The following MYO15B variants were observed in gnomAD, a reference collection of about 807,000 sequenced individuals.
MYO15B encodes the protein myosin XVB pseudogene.
Under a neutral mutation model 119.3 loss-of-function variants are expected in MYO15B, and 207 were observed. That is an observed-to-expected ratio of 1.73 (90% CI 1.55 to 1.95). The LOEUF is 1.95. Ranked by LOEUF, MYO15B falls within the 30% of genes most tolerant of loss-of-function variation. The probability of loss-of-function intolerance (pLI) is 0.00; values close to 1 mark genes in which losing one functional copy is unlikely to be tolerated. For synonymous variants in MYO15B, 966 were observed against 498.9 expected, an observed-to-expected ratio of 1.94 and a Z score of -12.48; for missense variants, 2,264 against 1,203.1, an observed-to-expected ratio of 1.88 and a Z score of -13.04.
chr17:75,624,618 C>A (rs1303092065), exon 58 of MYO15B: 2 of 702,966 alleles, frequency 2.8e-6, no homozygotes, highest in South Asian at 1.5e-5. Flanking sequence ...GGAATTCGCC[C>A]TCTTCCTCAT....
intron 21 of MYO15B, among the ~76,000 whole-genome samples, chr17:75,608,597 C>T (rs1485821277): frequency 2.0e-5 from 3 of 151,936 alleles, no homozygotes; most frequent in Admixed American, 6.6e-5. Flanking sequence ...GCCGAGATCG[C>T]GCCATTGCAC....
At chr17:75,615,300 C>G (rs1233769810) in exon 34 of MYO15B, 1 of 702,736 alleles carries the variant, frequency 1.4e-6, no homozygotes, top group East Asian at 2.7e-5. Flanking sequence ...GCACCCATGC[C>G]CATGATGCCA....
intron 21 of MYO15B, 113 bp from the exon 22 acceptor site, chr17:75,610,053 C>T (rs947400322): frequency 5.5e-6 from 3 of 545,988 alleles, no homozygotes; most frequent in Non-Finnish European, 1.0e-5. Context: ...TCCAGGGCTT[C>T]TCTGGTCCAA....
chr17:75,591,394 A>C, intron 4 of MYO15B, 148 bp downstream of exon 4: 1 of 619,664 alleles, frequency 1.6e-6, no homozygotes, highest in Non-Finnish European at 2.9e-6. Context: ...CCTGGCTGAA[A>C]TCATCACATG....
chr17:75,593,972 C>G (rs1167204040), intron 9 of MYO15B, among the ~76,000 whole-genome samples: 1 of 150,590 alleles, frequency 6.6e-6, no homozygotes, highest in Non-Finnish European at 1.5e-5. Context: ...TGCCTGTAAT[C>G]CCAGCTACTG....
At chr17:75,593,957 G>T (rs1306617606) in intron 9 of MYO15B, among the ~76,000 whole-genome samples, 3 of 151,804 alleles carry the variant, frequency 2.0e-5, no homozygotes, top group African/African-American at 7.3e-5. Context: ...GGGCATGGTG[G>T]CATGTGCCTG....
At chr17:75,590,554 G>A (rs955596867) in intron 1 of MYO15B, 72 bp from the exon 2 acceptor site, 1 of 312,930 alleles carries the variant, frequency 3.2e-6, no homozygotes, top group African/African-American at 2.1e-5. Flanking sequence ...GGTCCCTGCA[G>A]TGGGTGGCAG....
intron 43 of MYO15B, 31 bp downstream of exon 43, chr17:75,618,216 C>T (rs750372894): frequency 1.1e-5 from 8 of 702,830 alleles, no homozygotes; most frequent in South Asian, 8.9e-5. Context: ...CAGCCTGAGA[C>T]ATCTGCAGAG....
At position 75,612,901 on chromosome 17, in the gene MYO15B, A is replaced by C; in HGVS notation, c.4731+8A>C. The C allele has an allele frequency of 2.9e-6, 2 of 701,102 alleles. No individual in the cohort carries two copies. The highest frequency in any genetic ancestry group is 5.2e-6 in the Non-Finnish European group (2 of 383,910). The allele number at this position is 701,102 out of a possible 1,614,324, so 43.4% of individuals were successfully genotyped here. On this transcript the variant is annotated splice_region_variant and intron_variant, in intron 26 of 63. Transcript: ENST00000645453. The stretch of plus-strand genomic sequence containing the variant: ...CTGGACATCAACAAAGTGGTGAGTG[A>C]CACATTGGAGAAGGGACAGGATAGG...
At chr17:75,588,792 G>A in exon 1 of MYO15B, 1 of 398,634 alleles carries the variant, frequency 2.5e-6, no homozygotes, top group Non-Finnish European at 4.4e-6. Context: ...CGAGTCCGCT[G>A]GGGACCGGAC....
chr17:75,592,562 G>A (rs1464803125), intron 8 of MYO15B, 21 bp downstream of exon 8: 2 of 613,160 alleles, frequency 3.3e-6, no homozygotes, highest in South Asian at 1.9e-5. Context: ...CCCTTGTGGT[G>A]CGGCGGGGAG....
rs3803725 is a variant in MYO15B at position 75,603,114 on chromosome 17, C to A, written c.3891+37C>A. Reference sequence around the variant, plus strand: ...AGCAACTGGCCTCAGGGCCCTCCCCCTCCCTGCACCTCCCTCCCCACAGCT... The same window carrying A: ...AGCAACTGGCCTCAGGGCCCTCCCCATCCCTGCACCTCCCTCCCCACAGCT... On this transcript the variant is annotated intron_variant, in intron 18 of 63. Coordinates refer to ENST00000645453, the Ensembl canonical transcript of MYO15B. 4.2e-4 allele frequency: 293 copies of A among 703,110 alleles called. 5 individuals are homozygous for A. The highest frequency in any genetic ancestry group is 3.7e-3 in the East Asian group (138 of 37,290). The allele number at this position is 703,110 out of a possible 1,614,324, so 43.6% of individuals were successfully genotyped here.
intron 25 of MYO15B, among the ~76,000 whole-genome samples, 190 bp downstream of exon 25, chr17:75,612,206 A>T (rs1479636608): frequency 1.3e-5 from 2 of 152,198 alleles, no homozygotes; most frequent in African/African-American, 4.8e-5. Context: ...ATAGAGCGTT[A>T]CTGGAGATAA....
At chr17:75,613,729 A>C (rs1287463986) in exon 29 of MYO15B, 2 of 702,130 alleles carry the variant, frequency 2.8e-6, no homozygotes, top group Non-Finnish European at 5.2e-6. Context: ...GCCGAGGTGG[A>C]GTCTTGGACC....
At chr17:75,623,242 A>T (rs112235636) in intron 53 of MYO15B, among the ~76,000 whole-genome samples, 1,875 of 152,110 alleles carry the variant, frequency 0.012, 37 homozygotes, top group African/African-American at 0.04. Flanking sequence ...GAGAATCGCT[A>T]GAACCCAGGA....
At chr17:75,599,336 G>A (rs1048992736) in intron 14 of MYO15B, among the ~76,000 whole-genome samples, 15 of 151,620 alleles carry the variant, frequency 9.9e-5, no homozygotes, top group African/African-American at 2.7e-4. Context: ...GTGCAGTGGC[G>A]TGATCTTGGC....
chr17:75,604,021 G>A (rs1167267023), intron 19 of MYO15B, among the ~76,000 whole-genome samples: 2 of 152,186 alleles, frequency 1.3e-5, no homozygotes, highest in Non-Finnish European at 2.9e-5. Flanking sequence ...TCACCCCAGG[G>A]CTCTGTGGAC....
chr17:75,596,161 C>G (rs2056844387), intron 12 of MYO15B, among the ~76,000 whole-genome samples: 1 of 152,208 alleles, frequency 6.6e-6, no homozygotes, highest in Admixed American at 6.5e-5. Flanking sequence ...GATAGCCAAC[C>G]TGCTATTTAG....
intron 22 of MYO15B, 195 bp from the exon 23 acceptor site, chr17:75,610,705 G>C (rs2057970394): frequency 1.7e-6 from 1 of 583,532 alleles, no homozygotes; most frequent in Admixed American, 2.9e-5. Flanking sequence ...TGGCAGATGG[G>C]CACAGACGCC....
Sources: gnomAD v4.1 joint callset for allele counts (sites outside exome capture counted in the v4.1 genomes callset) on GRCh38, gnomAD v4.1.1 for gene constraint, MANE v1.5 for transcripts, NCBI Gene and HGNC (gene_info 2026-07-23, HGNC 2026-07-21) for gene names.